CLCC1: variants seen among roughly 807,000 people sequenced by gnomAD.
CLCC1 encodes chloride channel CLIC-like protein 1.
A neutral mutation model predicts 63.3 loss-of-function variants in CLCC1; 39 were observed. The observed-to-expected ratio is 0.62, with a 90% confidence interval of 0.48 to 0.81. CLCC1 has a LOEUF of 0.81. Among genes scored for constraint, CLCC1 ranks in the 30% least tolerant of loss-of-function variants. CLCC1 has a pLI of 0.00. For missense variants in CLCC1, 549 were observed against 669.4 expected (o/e 0.82, Z 1.98); for synonymous variants, 217 against 239.8 (o/e 0.90, Z 0.88).
In CLCC1 at chr1:108,937,058, A is replaced by G; in HGVS notation, c.1383+19T>C. The G allele has an allele frequency of 6.8e-7, 1 of 1,463,960 alleles. No homozygotes were observed. Among genetic ancestry groups the G allele is most frequent in the Non-Finnish European group, 9.1e-7 (1 of 1,103,604 alleles). 90.7% of individuals were successfully genotyped at this position (1,463,960 alleles called of 1,614,324 possible). On this transcript the variant is annotated intron_variant, in intron 11 of 12. Transcript: ENST00000369969. ...ACCAGTAATGAAGGGACAGCAGAAT[A>G]AAAGAGTTGCTGACTTACACTGGGT...
rs763859025 is a variant in CLCC1 at position 108,941,482 on chromosome 1, T to TG, written c.718dup (p.His240ProfsTer4). The TG allele has an allele frequency of 6.2e-6, 10 of 1,614,166 alleles. No individual in the cohort carries two copies. The East Asian group carries it at 2.2e-4, about 36-fold the overall frequency. Reference sequence around the variant, plus strand: ...CTCCATCTTGGCGACTTCAGCCTGATGCTGTGCAAAAGCTAGCTGCCCAAC... The same window carrying TG: ...CTCCATCTTGGCGACTTCAGCCTGATGGCTGTGCAAAAGCTAGCTGCCCAAC... On this transcript the variant is annotated frameshift_variant, in exon 8 of 13. Transcript: ENST00000369969. LOFTEE classifies it high-confidence loss of function.
In CLCC1 at chr1:108,949,875, G is replaced by A. The variant is rs202122496; in HGVS notation, c.176C>T (p.Ser59Leu). The A allele has an allele frequency of 1.6e-5, 26 of 1,601,696 alleles. No individual in the cohort carries two copies. The East Asian group carries it at 4.5e-4, about 28-fold the overall frequency. Reference sequence around the variant, plus strand: ...ACATTCTGATATTTCATCAGCACATGACAAGTCAGGACTGACATCCTTTTC... The same window carrying A: ...ACATTCTGATATTTCATCAGCACATAACAAGTCAGGACTGACATCCTTTTC... ...SGEKDVSPDL[S>L]CADEISECYH... Residue 59 changes from serine to leucine, a missense_variant, in exon 4 of 13, where the codon TCA becomes TTA. Physicochemically the swap from Ser to Leu is moderately radical, Grantham distance 145 (BLOSUM62 -2). Transcript: ENST00000369969.
At position 108,937,159 on chromosome 1, in the gene CLCC1, G is replaced by A; in HGVS notation, c.1301C>T (p.Thr434Ile). 6.3e-7 allele frequency: 1 copy of A among 1,578,924 alleles called. No individual in the cohort carries two copies. The highest frequency in any genetic ancestry group is 8.6e-7 in the Non-Finnish European group (1 of 1,163,528). The change falls in exon 11 of 13, where the codon ACT becomes ATT. Residue 434 changes from threonine to isoleucine, a missense_variant. Transcript: ENST00000369969. ...GAGCACTTCAGGGCTCTTGTTGCCA[G>A]TCTGAAATCTCAAGTCAACATCTCT... The part of the protein sequence containing the change: ...RERDVDLRFQ[T>I]GNKSPEVLRA...
At chr1:108,938,483 T>G (rs752758139) in intron 10 of CLCC1, among the ~76,000 whole-genome samples, 2 of 152,250 alleles carry the variant, frequency 1.3e-5, no homozygotes, top group Non-Finnish European at 2.9e-5. Context: ...GATTTCAAAG[T>G]GAACAGAGAT....
chr1:108,930,763 C>CCTGTAGTTTCAGCTA lies in CLCC1; in HGVS notation c.*1769_*1783dup, dbSNP rs1553218540. ...AATTAGCTGGGCATGGTGGCATGCGCCTGTAGTTTCAGCTACTTGGGAGGC... is the reference window on the plus strand; with the variant it reads ...AATTAGCTGGGCATGGTGGCATGCGCCTGTAGTTTCAGCTACTGTAGTTTCAGCTACTTGGGAGGC... On this transcript the variant is annotated 3_prime_UTR_variant, in exon 13 of 13. Coordinates refer to ENST00000369969, the MANE Select transcript of CLCC1 (RefSeq NM_001377458.1). 1 of 152,892 alleles carries CCTGTAGTTTCAGCTA rather than the reference C, an allele frequency of 6.5e-6. No individual in the cohort carries two copies. Among genetic ancestry groups the CCTGTAGTTTCAGCTA allele is most frequent in the Non-Finnish European group, 1.5e-5 (1 of 68,666 alleles). 9.5% of individuals were successfully genotyped at this position (152,892 alleles called of 1,614,324 possible).
intron 2 of CLCC1, among the ~76,000 whole-genome samples, chr1:108,959,127 T>C (rs568182559): frequency 1.4e-3 from 206 of 152,222 alleles, no homozygotes; most frequent in Non-Finnish European, 1.8e-3. Flanking sequence ...TGAGCCGAGA[T>C]CACGCCATTG....
chr1:108,934,762 C>T lies in CLCC1; in HGVS notation c.1564G>A (p.Ala522Thr), dbSNP rs139389429. Residue 522 changes from alanine (A) to threonine (T), a missense_variant, in exon 12 of 13, where the codon GCA (alanine) becomes ACA (threonine). By Grantham distance (58) the Ala-to-Thr change is moderately conservative. Coordinates refer to ENST00000369969, the MANE Select transcript of CLCC1 (RefSeq NM_001377458.1). ...AEKAQLKSEA[A>T]GSPDQGSTYS... ...GTGCTGCCTTGGTCTGGGCTGCCTG[C>T]GGCTTCAGACTTGAGCTGGGCCTTT... 67 of 1,614,090 alleles carry T rather than the reference C, an allele frequency of 4.2e-5. No individual in the cohort carries two copies. In the African/African-American group the frequency reaches 4.9e-4, roughly 12 times the overall value.
chr1:108,959,106 G>T (rs1387548100), intron 2 of CLCC1, among the ~76,000 whole-genome samples: 1 of 152,110 alleles, frequency 6.6e-6, no homozygotes, highest in Non-Finnish European at 1.5e-5. Context: ...CCCGGGAGGC[G>T]GAGGTTGAGG....
In CLCC1 at chr1:108,931,251, T is replaced by TATGA; in HGVS notation, c.*1292_*1295dup. On this transcript the variant is annotated 3_prime_UTR_variant, in exon 13 of 13. Coordinates refer to ENST00000369969, the MANE Select transcript of CLCC1 (RefSeq NM_001377458.1). ...CAGATGAAAACTCACAAAAATTAAA[T>TATGA]ATGAAAGAAAGATGTCAGCTAGAAC... is the stretch of plus-strand genomic sequence containing the variant. The TATGA allele has an allele frequency of 1.4e-6, 2 of 1,430,512 alleles. No homozygotes were observed. The highest frequency in any genetic ancestry group is 2.9e-5 in the African/African-American group (2 of 69,188). 88.6% of individuals were successfully genotyped at this position (1,430,512 alleles called of 1,614,324 possible).
chr1:108,961,816 G>T (rs1051469755), intron 2 of CLCC1, among the ~76,000 whole-genome samples: 1 of 151,768 alleles, frequency 6.6e-6, no homozygotes, highest in Non-Finnish European at 1.5e-5. Context: ...CCGAGATCGC[G>T]CCATTGCACT....
chr1:108,951,462 GC>G (rs1655173474), intron 2 of CLCC1, among the ~76,000 whole-genome samples: 1 of 152,156 alleles, frequency 6.6e-6, no homozygotes, highest in Non-Finnish European at 1.5e-5. Context: ...ATATTATTCA[GC>G]CATAAAAAGG....
In CLCC1 at chr1:108,941,469, G is replaced by A. The variant is rs557800957; in HGVS notation, c.732C>T (p.Val244=). The A allele has an allele frequency of 1.2e-5, 19 of 1,613,956 alleles. 1 individual carries two copies. Among genetic ancestry groups the A allele is most frequent in the African/African-American group, 6.7e-5 (5 of 74,962 alleles). ...KLAFAQHQAE[V]AKMEPLNNVC... is the part of the protein sequence containing the mutation. ...CATTGTTTAATGGCTCCATCTTGGC[G>A]ACTTCAGCCTGATGCTGTGCAAAAG... The change falls in exon 8 of 13, where the codon GTC becomes GTT. Residue 244 remains valine (V), a synonymous_variant. Coordinates refer to ENST00000369969, the MANE Select transcript of CLCC1 (RefSeq NM_001377458.1).
chr1:108,943,729 C>G, intron 6 of CLCC1, 107 bp downstream of exon 6: 1 of 1,445,388 alleles, frequency 6.9e-7, no homozygotes, highest in African/African-American at 1.4e-5. Flanking sequence ...TTCATCAATA[C>G]GGTATAAGTG....
At position 108,940,173 on chromosome 1, in the gene CLCC1, A is replaced by G. The variant is rs201941074; in HGVS notation, c.797-31T>C. The G allele has an allele frequency of 4.9e-6, 7 of 1,415,716 alleles. No homozygotes were observed. The East Asian group carries it at 1.4e-4, about 28-fold the overall frequency. 87.7% of individuals were successfully genotyped at this position (1,415,716 alleles called of 1,614,324 possible). A position where few individuals can be genotyped will look rare whatever the true frequency, so the allele number is the denominator to read the frequency against. On this transcript the variant is annotated intron_variant, in intron 8 of 12. Coordinates refer to ENST00000369969, the MANE Select transcript of CLCC1 (RefSeq NM_001377458.1). The stretch of plus-strand genomic sequence containing the variant: ...TAGAGAAACAGACAAAACACTGATC[A>G]TTTCTTTTAATGTTGCATTTCATTC...
At chr1:108,948,280 GA>G (rs1654790540) in intron 4 of CLCC1, among the ~76,000 whole-genome samples, 1 of 152,160 alleles carries the variant, frequency 6.6e-6, no homozygotes, top group African/African-American at 2.4e-5. Flanking sequence ...AGGAAGGCAG[GA>G]ACTGCAGCTT....
At position 108,954,494 on chromosome 1, in the gene CLCC1, G is replaced by A. The variant is rs1431017986; in HGVS notation, c.-11-4046C>T. Among the ~76,000 whole-genome samples, 7 of 150,732 alleles carry A rather than the reference G, an allele frequency of 4.6e-5. 1 individual carries two copies. Among genetic ancestry groups the A allele is most frequent in the South Asian group, 2.1e-4 (1 of 4,794 alleles). On this transcript the variant is annotated intron_variant, in intron 2 of 12. Transcript: ENST00000369969. ...CAGCCTAGGTGAAAGAGTAAAACTC[G>A]GTCTCAAAAACAACAACAACCACCA...
chr1:108,935,070 G>T, intron 11 of CLCC1, 128 bp from the exon 12 acceptor site: 1 of 849,214 alleles, frequency 1.2e-6, no homozygotes, highest in Non-Finnish European at 1.8e-6. Flanking sequence ...CCAGGGTCCA[G>T]TGCTGGGTTA....
At chr1:108,952,030 G>A (rs897999478) in intron 2 of CLCC1, among the ~76,000 whole-genome samples, 2 of 151,894 alleles carry the variant, frequency 1.3e-5, no homozygotes, top group African/African-American at 2.4e-5. Flanking sequence ...CTCCCACCTC[G>A]GCCTCCCAAA....
intron 2 of CLCC1, among the ~76,000 whole-genome samples, chr1:108,956,121 T>C (rs544485850): frequency 6.6e-6 from 1 of 151,616 alleles, no homozygotes; most frequent in Admixed American, 6.5e-5. Context: ...GGAAGCCAGC[T>C]GCCACCTTGT....
Sources: gnomAD v4.1 joint callset for allele counts (sites outside exome capture counted in the v4.1 genomes callset) on GRCh38, gnomAD v4.1.1 for gene constraint, MANE v1.5 for transcripts, NCBI Gene and HGNC (gene_info 2026-07-23, HGNC 2026-07-21) for gene names.